ASF1B: variants seen among roughly 807,000 people sequenced by gnomAD.
ASF1B encodes the protein anti-silencing function 1B histone chaperone.
ASF1B carries 10 observed loss-of-function variants against 16.6 expected under a neutral mutation model. The ratio of observed to expected loss-of-function variants is 0.60; its 90% CI spans 0.37 to 1.02. The LOEUF (loss-of-function observed/expected upper bound fraction) is 1.02, where lower values mean the gene tolerates loss of function less well. Among genes scored for constraint, ASF1B ranks in the 50% least tolerant of loss-of-function variants. The pLI, the probability that ASF1B is intolerant of heterozygous loss-of-function variation, is 0.01. For synonymous variants in ASF1B, 101 were observed against 106.2 expected, an observed-to-expected ratio of 0.95 and a Z score of 0.30; for missense variants, 240 against 266.0, an observed-to-expected ratio of 0.90 and a Z score of 0.68.
At chr19:14,125,116 G>A (rs572106534) in intron 2 of ASF1B, among the ~76,000 whole-genome samples, 18 of 152,128 alleles carry the variant, frequency 1.2e-4, no homozygotes, top group East Asian at 3.9e-4. Flanking sequence ...ACAGGCATGC[G>A]CCACCACACC....
chr19:14,125,721 T>G (rs955843127), intron 2 of ASF1B, among the ~76,000 whole-genome samples: 3 of 152,094 alleles, frequency 2.0e-5, no homozygotes, highest in Non-Finnish European at 2.9e-5. Flanking sequence ...CTCTGCTGAT[T>G]TTTACATTTT....
chr19:14,121,588 C>T lies in ASF1B; in HGVS notation c.346G>A (p.Glu116Lys), dbSNP rs1268256616. The T allele has an allele frequency of 2.4e-5, 38 of 1,613,826 alleles. No individual in the cohort carries two copies. Among genetic ancestry groups the T allele is most frequent in the Non-Finnish European group, 3.1e-5 (37 of 1,180,006 alleles). The change falls in exon 3 of 4, where the codon GAG becomes AAG. Residue 116 changes from glutamate (E) to lysine (K), a missense_variant. Glu to Lys is a moderately conservative substitution (Grantham distance 56). Coordinates refer to ENST00000263382, the MANE Select transcript of ASF1B (RefSeq NM_018154.3). ...TCACGCAGCTCAGGGTTGAGGTACT[C>T]GTTGTTGACGTAGTAGCCCACTCGG... ...FIRVGYYVNN[E>K]YLNPELRENP...
chr19:14,136,048 G>C (rs1967491221), intron 1 of ASF1B, among the ~76,000 whole-genome samples: 2 of 151,774 alleles, frequency 1.3e-5, no homozygotes, highest in African/African-American at 4.8e-5. Context: ...TCTATGGGGA[G>C]GTCGGGGCGG....
chr19:14,136,340 A>T lies in ASF1B; in HGVS notation c.109+8T>A, dbSNP rs1159159764. 1.2e-6 allele frequency: 2 copies of T among 1,611,542 alleles called. No individual in the cohort carries two copies. Among genetic ancestry groups the T allele is most frequent in the Non-Finnish European group, 1.7e-6 (2 of 1,178,394 alleles). ...GGGGTGGGGGTCCCCGCACAGGCCC[A>T]GCCTCACCGTCCGCCAGGGCTTCAC... is the stretch of plus-strand genomic sequence containing the variant. On this transcript the variant is annotated splice_region_variant and intron_variant, in intron 1 of 3. Transcript: ENST00000263382.
At chr19:14,123,385 T>TC (rs1967269751) in intron 2 of ASF1B, among the ~76,000 whole-genome samples, 2 of 146,024 alleles carry the variant, frequency 1.4e-5, no homozygotes, top group South Asian at 4.4e-4. Flanking sequence ...CTTCTTTTTT[T>TC]TTTTTTTTTT....
chr19:14,128,573 C>G (rs1289034744), intron 1 of ASF1B, among the ~76,000 whole-genome samples: 1 of 152,206 alleles, frequency 6.6e-6, no homozygotes, highest in Non-Finnish European at 1.5e-5. Flanking sequence ...TTCCTGCGCT[C>G]AAGTGATTCT....
chr19:14,132,935 A>G (rs1242345017), intron 1 of ASF1B, among the ~76,000 whole-genome samples: 1 of 151,914 alleles, frequency 6.6e-6, no homozygotes, highest in Non-Finnish European at 1.5e-5. Flanking sequence ...CCTGGGTAAC[A>G]CAGTGAAACC....
At chr19:14,125,970 A>G (rs1425075498) in intron 2 of ASF1B, 152 bp downstream of exon 2, 2 of 578,110 alleles carry the variant, frequency 3.5e-6, no homozygotes, top group Non-Finnish European at 3.0e-6. Context: ...CAATCCTCTC[A>G]CCTCAGTCCC....
intron 1 of ASF1B, among the ~76,000 whole-genome samples, chr19:14,129,297 C>T (rs1967362849): frequency 6.6e-6 from 1 of 151,966 alleles, no homozygotes; most frequent in East Asian, 1.9e-4. Context: ...GACTGTCAGG[C>T]ACAGGGGCTG....
intron 1 of ASF1B, among the ~76,000 whole-genome samples, chr19:14,132,607 A>G (rs1462224422): frequency 1.3e-5 from 2 of 152,108 alleles, no homozygotes; most frequent in African/African-American, 4.8e-5. Context: ...ATCACTTGCG[A>G]TCAGGTTTGA....
In ASF1B at chr19:14,120,481, T is replaced by TC. The variant is rs750730597; in HGVS notation, c.586dup (p.Glu196GlyfsTer34). ...CAGTTAGATGCAGTCCATGGAGTTCTCAGGGAGGAGGCCAGGGATGCAGCC... is the reference window on the plus strand; with the variant it reads ...CAGTTAGATGCAGTCCATGGAGTTCTCCAGGGAGGAGGCCAGGGATGCAGCC... On this transcript the variant is annotated frameshift_variant, in exon 4 of 4. Coordinates refer to ENST00000263382, the MANE Select transcript of ASF1B (RefSeq NM_018154.3). LOFTEE classifies it high-confidence loss of function. 5 of 1,612,932 alleles carry TC rather than the reference T, an allele frequency of 3.1e-6. No individual in the cohort carries two copies. In the South Asian group the frequency reaches 3.3e-5, roughly 11 times the overall value.
chr19:14,126,849 TGCCCGCCTCA>T (rs1267376994), intron 1 of ASF1B, among the ~76,000 whole-genome samples: 3 of 152,158 alleles, frequency 2.0e-5, no homozygotes, highest in Non-Finnish European at 4.4e-5. Context: ...TCAAGTGATC[TGCCCGCCTCA>T]GCCTTCCAAA....
Position 14,126,148 on chromosome 19 carries a change from C to A in ASF1B, c.199G>T (p.Ala67Ser), listed in dbSNP as rs1425045868. 1.2e-6 allele frequency: 2 copies of A among 1,604,114 alleles called. No individual in the cohort carries two copies. The highest frequency in any genetic ancestry group is 2.3e-5 in the South Asian group (2 of 88,740). Residue 67 changes from alanine (A) to serine (S), a missense_variant, in exon 2 of 4, where the codon GCA (alanine) becomes TCA (serine). Transcript: ENST00000263382. The stretch of plus-strand genomic sequence containing the variant: ...TGAAAGACAAACATGTGTCTCCCTG[C>A]TGGCACAGGGCCCACCAGCACCGAG... ...LDSVLVGPVP[A>S]GRHMFVFQAD...
Position 14,121,578 on chromosome 19 carries a change from T to C in ASF1B, c.356A>G (p.Asn119Ser). 1 of 1,613,988 alleles carries C rather than the reference T, an allele frequency of 6.2e-7. No individual in the cohort carries two copies. Among genetic ancestry groups the C allele is most frequent in the Non-Finnish European group, 8.5e-7 (1 of 1,179,982 alleles). ...VGYYVNNEYL[N>S]PELRENPPMK... is the part of the protein sequence containing the mutation. ...GGGCGGGTTCTCACGCAGCTCAGGG[T>C]TGAGGTACTCGTTGTTGACGTAGTA... Residue 119 changes from asparagine to serine, a missense_variant, in exon 3 of 4, where the codon AAC becomes AGC. Physicochemically the swap from Asn to Ser is conservative, Grantham distance 46. Coordinates refer to ENST00000263382, the MANE Select transcript of ASF1B (RefSeq NM_018154.3).
At chr19:14,124,298 T>C (rs1967286287) in intron 2 of ASF1B, among the ~76,000 whole-genome samples, 1 of 152,030 alleles carries the variant, frequency 6.6e-6, no homozygotes, top group Non-Finnish European at 1.5e-5. Context: ...GGACGACAGG[T>C]GCAAGCCACC....
At chr19:14,128,954 A>T (rs972592174) in intron 1 of ASF1B, among the ~76,000 whole-genome samples, 4 of 152,194 alleles carry the variant, frequency 2.6e-5, no homozygotes, top group Non-Finnish European at 4.4e-5. Context: ...GGTAGACAAA[A>T]AAGACTAAAG....
intron 1 of ASF1B, 134 bp from the exon 2 acceptor site, chr19:14,126,371 C>T (rs1339104213): frequency 1.6e-6 from 1 of 617,514 alleles, no homozygotes; most frequent in Non-Finnish European, 2.8e-6. Context: ...GTGATGCGAT[C>T]TCAGCTCACT....
At chr19:14,127,918 G>A (rs572504848) in intron 1 of ASF1B, among the ~76,000 whole-genome samples, 1 of 152,298 alleles carries the variant, frequency 6.6e-6, no homozygotes, top group African/African-American at 2.4e-5. Flanking sequence ...GATTACAGGT[G>A]TGAGCCACCG....
intron 2 of ASF1B, 77 bp from the exon 3 acceptor site, chr19:14,121,785 T>G (rs1314333344): frequency 7.3e-7 from 1 of 1,371,704 alleles, no homozygotes; most frequent in African/African-American, 1.5e-5. Flanking sequence ...TTCCCAAGCA[T>G]CATGTATTTA....
Sources: allele counts gnomAD v4.1 joint callset (sites outside exome capture counted in the v4.1 genomes callset), GRCh38; gene constraint gnomAD v4.1.1; transcripts MANE v1.5; gene names NCBI Gene and HGNC (gene_info 2026-07-23, HGNC 2026-07-21).